Variants in OAS2 observed in about 807,000 individuals in gnomAD.
OAS2 encodes the protein 2'-5'-oligoadenylate synthase 2.
A neutral mutation model predicts 71.3 loss-of-function variants in OAS2; 67 were observed. That is an observed-to-expected ratio of 0.94 (90% CI 0.77 to 1.15). The LOEUF (loss-of-function observed/expected upper bound fraction) is 1.15, where lower values mean the gene tolerates loss of function less well. Ranked by LOEUF, OAS2 falls within the 50% of genes most tolerant of loss-of-function variation. The pLI is 0.00. For synonymous variants in OAS2, 327 were observed against 321.8 expected (o/e 1.02, Z -0.17); for missense variants, 789 against 822.5 (o/e 0.96, Z 0.50).
intron 2 of OAS2, among the ~76,000 whole-genome samples, chr12:112,990,671 T>C (rs1387096699): frequency 6.6e-6 from 1 of 152,216 alleles, no homozygotes; most frequent in Non-Finnish European, 1.5e-5. Flanking sequence ...GTCAAAGAAA[T>C]ATATTTTGGG....
chr12:113,010,525 G>A lies in OAS2; in HGVS notation c.*1270G>A, dbSNP rs760445542. 2 of 1,603,368 alleles carry A rather than the reference G, an allele frequency of 1.2e-6. No homozygotes were observed. The highest frequency in any genetic ancestry group is 1.3e-5 in the African/African-American group (1 of 74,598). On this transcript the variant is annotated 3_prime_UTR_variant, in exon 10 of 10. Transcript: ENST00000392583. ...CGCTTTTAAAGACTCGGCTCACCGT[G>A]AGAAAGAGTCACTCACATCCATTCT...
chr12:113,007,131 C>T (rs1388360461), intron 8 of OAS2, among the ~76,000 whole-genome samples: 1 of 152,162 alleles, frequency 6.6e-6, no homozygotes, highest in African/African-American at 2.4e-5. Flanking sequence ...ACCCAGTTTC[C>T]CCTCACTTGC....
At position 112,997,557 on chromosome 12, in the gene OAS2, C is replaced by T. The variant is rs141277168; in HGVS notation, c.665C>T (p.Pro222Leu). The part of the protein sequence containing the change: ...KKIKDLPSLS[P>L]YALELLTVYA... ...ATCAAGGATTTACCCTCGCTGTCTC[C>T]GTATGCCCTGGAGCTGCTTACGGTG... Residue 222 changes from proline (P) to leucine (L), a missense_variant, in exon 4 of 10, where the codon CCG (proline) becomes CTG (leucine). Transcript: ENST00000392583. 3.4e-4 allele frequency: 542 copies of T among 1,613,948 alleles called. No individual in the cohort carries two copies. The highest frequency in any genetic ancestry group is 4.3e-4 in the Non-Finnish European group (506 of 1,179,988).
At chr12:112,979,528 T>C (rs1041975518) in intron 1 of OAS2, among the ~76,000 whole-genome samples, 1 of 152,188 alleles carries the variant, frequency 6.6e-6, no homozygotes, top group Admixed American at 6.5e-5. Context: ...GCAAGTTTGG[T>C]TAATAGCTAT....
Position 112,997,774 on chromosome 12 carries a change from C to G in OAS2, c.863+19C>G. 6.6e-7 allele frequency: 1 copy of G among 1,520,178 alleles called. No individual in the cohort carries two copies. Among genetic ancestry groups the G allele is most frequent in the Non-Finnish European group, 8.9e-7 (1 of 1,124,326 alleles). The allele number at this position is 1,520,178 out of a possible 1,614,324, so 94.2% of individuals were successfully genotyped here. A position where few individuals can be genotyped will look rare whatever the true frequency, so the allele number is the denominator to read the frequency against. On this transcript the variant is annotated intron_variant, in intron 4 of 9. Transcript: ENST00000392583. Reference sequence around the variant, plus strand: ...CAGCGAGGTGCCAAGCTTCTCACACCCTATCCCTGTACCTCATCATCCGCA... The same window carrying G: ...CAGCGAGGTGCCAAGCTTCTCACACGCTATCCCTGTACCTCATCATCCGCA...
At chr12:112,981,530 T>C (rs1409661157) in intron 1 of OAS2, among the ~76,000 whole-genome samples, 2 of 152,172 alleles carry the variant, frequency 1.3e-5, no homozygotes, top group African/African-American at 2.4e-5. Flanking sequence ...TGTAAATTTG[T>C]GGATTTGTTT....
At position 113,009,958 on chromosome 12, in the gene OAS2, C is replaced by T; in HGVS notation, c.*703C>T. The T allele has an allele frequency of 1.0e-6, 1 of 987,060 alleles. No homozygotes were observed. Among genetic ancestry groups the T allele is most frequent in the African/African-American group, 1.7e-5 (1 of 57,384 alleles). 61.1% of individuals were successfully genotyped at this position (987,060 alleles called of 1,614,324 possible). On this transcript the variant is annotated 3_prime_UTR_variant, in exon 10 of 10. Transcript: ENST00000392583. ...AGGTTCTTTCTTTAAAGCAGGATTT[C>T]TCAACTTTGATACTTACTCACATTT...
chr12:112,995,166 C>T, intron 2 of OAS2, 130 bp from the exon 3 acceptor site: 2 of 740,758 alleles, frequency 2.7e-6, no homozygotes, highest in African/African-American at 1.8e-5. Context: ...TGTAAAGGTA[C>T]CTGTCCTCTG....
At chr12:113,002,430 G>C (rs189825406) in intron 5 of OAS2, among the ~76,000 whole-genome samples, 16 of 152,326 alleles carry the variant, frequency 1.1e-4, no homozygotes, top group Admixed American at 8.5e-4. Flanking sequence ...GTGGTCACTT[G>C]TTATGGCAGC....
Position 113,010,248 on chromosome 12 carries a change from A to C in OAS2, c.*993A>C. On this transcript the variant is annotated 3_prime_UTR_variant, in exon 10 of 10. Transcript: ENST00000392583. ...AAGATATGCATTATAAATAAATACC[A>C]AAAAATTGTCTCTGGCAATAGTTAC... The C allele has an allele frequency of 3.4e-6, 5 of 1,474,152 alleles. No individual in the cohort carries two copies. Among genetic ancestry groups the C allele is most frequent in the Non-Finnish European group, 4.5e-6 (5 of 1,120,162 alleles). 91.3% of individuals were successfully genotyped at this position (1,474,152 alleles called of 1,614,324 possible).
At chr12:113,002,526 TC>T (rs1393344556) in intron 5 of OAS2, among the ~76,000 whole-genome samples, 1 of 152,100 alleles carries the variant, frequency 6.6e-6, no homozygotes, top group East Asian at 1.9e-4. Flanking sequence ...TCATCAGCAA[TC>T]TCCAATACCT....
chr12:112,982,477 TTTG>T (rs1251378211), intron 1 of OAS2, among the ~76,000 whole-genome samples: 1 of 152,236 alleles, frequency 6.6e-6, no homozygotes, highest in Non-Finnish European at 1.5e-5. Context: ...ATGTTCAACA[TTTG>T]TTGACTTGCT....
At chr12:112,988,832 T>A in intron 2 of OAS2, 1 of 652,270 alleles carries the variant, frequency 1.5e-6, no homozygotes, top group Non-Finnish European at 1.9e-6. Flanking sequence ...AATTCTTTCC[T>A]GCATGAGATC....
chr12:113,001,946 G>A (rs2044294333), intron 5 of OAS2, among the ~76,000 whole-genome samples: 1 of 151,810 alleles, frequency 6.6e-6, no homozygotes, highest in Non-Finnish European at 1.5e-5. Flanking sequence ...GAGGCTGGAG[G>A]ATCCCTTGAG....
chr12:112,998,419 G>T lies in OAS2; in HGVS notation c.1008+9G>T. On this transcript the variant is annotated intron_variant, in intron 5 of 9. Transcript: ENST00000392583. Reference sequence around the variant, plus strand: ...CATCTTGGAATGTTCTGGTAAGAGGGTTTTCCAAATACAGGGTGTTTCATG... The same window carrying T: ...CATCTTGGAATGTTCTGGTAAGAGGTTTTTCCAAATACAGGGTGTTTCATG... 1.2e-6 allele frequency: 2 copies of T among 1,605,196 alleles called. No homozygotes were observed. Among genetic ancestry groups the T allele is most frequent in the Non-Finnish European group, 1.7e-6 (2 of 1,177,368 alleles).
Position 112,991,114 on chromosome 12 carries a change from G to A in OAS2, c.448+3806G>A, listed in dbSNP as rs560880748. ...TGCTTCAGCCACTCTGGCCTTCCCT[G>A]AGCTCCTCAAACCCACATGATGCTA... On this transcript the variant is annotated intron_variant, in intron 2 of 9. Transcript: ENST00000392583. Among the ~76,000 whole-genome samples the A allele has an allele frequency of 2.0e-5, 3 of 152,250 alleles. No homozygotes were observed. In the East Asian group the frequency reaches 5.8e-4, roughly 29 times the overall value.
intron 1 of OAS2, among the ~76,000 whole-genome samples, chr12:112,985,442 G>C (rs1328048977): frequency 6.6e-6 from 1 of 152,102 alleles, no homozygotes; most frequent in African/African-American, 2.4e-5. Context: ...TATTGTTAAA[G>C]CAGTGAGTTG....
intron 7 of OAS2, 44 bp downstream of exon 7, chr12:113,005,266 A>G: frequency 6.4e-7 from 1 of 1,572,108 alleles, no homozygotes; most frequent in Non-Finnish European, 8.7e-7. Flanking sequence ...GGTGGACAGA[A>G]GGTGGAGGGA....
In OAS2 at chr12:112,989,375, G is replaced by A. The variant is rs531663099; in HGVS notation, c.448+2067G>A. 2.7e-4 allele frequency among the ~76,000 whole-genome samples: 41 copies of A among 152,268 alleles called. 1 individual carries two copies. The South Asian group carries it at 8.5e-3, about 32-fold the overall frequency. On this transcript the variant is annotated intron_variant, in intron 2 of 9. Coordinates refer to ENST00000392583, the MANE Select transcript of OAS2 (RefSeq NM_002535.3). ...AGTCTCAGGTATGTCTTTATTAACA[G>A]CATGAGAACAGACTAATACAATACA...
Sources: allele counts gnomAD v4.1 joint callset (sites outside exome capture counted in the v4.1 genomes callset), GRCh38; gene constraint gnomAD v4.1.1; transcripts MANE v1.5; gene names NCBI Gene and HGNC (gene_info 2026-07-23, HGNC 2026-07-21).